FAM200B: variants seen among roughly 807,000 people sequenced by gnomAD.
FAM200B encodes the protein zinc finger BED-type containing 11, also known as protein FAM200B.
Under a neutral mutation model 33.1 loss-of-function variants are expected in FAM200B, and 32 were observed. That is an observed-to-expected ratio of 0.97 (90% confidence interval 0.73 to 1.30). The LOEUF (loss-of-function observed/expected upper bound fraction) is 1.30, where lower values mean the gene tolerates loss of function less well. FAM200B is among the 50% of genes most tolerant of loss of function. The pLI is 0.00. For synonymous variants in FAM200B, 240 were observed against 264.8 expected, an observed-to-expected ratio of 0.91 and a Z score of 0.91; for missense variants, 741 against 754.0, an observed-to-expected ratio of 0.98 and a Z score of 0.20.
In FAM200B at chr4:15,686,382, A is replaced by G. The variant is rs1205237436; in HGVS notation, c.-596A>G. On this transcript the variant is annotated 5_prime_UTR_variant, in exon 2 of 2. Transcript: ENST00000422728. ...GAATGAAAATCTAAGATAAATTCCC[A>G]CCACTTCAAGATGTTCTTATACAAG... 6.6e-6 allele frequency: 1 copy of G among 152,212 alleles called. No individual in the cohort carries two copies. Among genetic ancestry groups the G allele is most frequent in the Non-Finnish European group, 1.5e-5 (1 of 68,038 alleles). The allele number at this position is 152,212 out of a possible 1,614,324, so 9.4% of individuals were successfully genotyped here. A position where few individuals can be genotyped will look rare whatever the true frequency, so the allele number is the denominator to read the frequency against.
intron 1 of FAM200B, among the ~76,000 whole-genome samples, chr4:15,683,000 C>A (rs538007960): frequency 6.6e-6 from 1 of 152,248 alleles, no homozygotes; most frequent in African/African-American, 2.4e-5. Flanking sequence ...AAATGCTTTT[C>A]CAGTTATGAG....
chr4:15,665,832 G>A, the FAM200B span, among the ~76,000 whole-genome samples: 17 of 152,134 alleles, frequency 1.1e-4, no homozygotes, highest in Admixed American at 1.1e-3. Context: ...AGATTTGGCT[G>A]TTGGTAGGAA....
the FAM200B span, among the ~76,000 whole-genome samples, chr4:15,651,724 TAAA>T: frequency 1.3e-5 from 2 of 152,216 alleles, no homozygotes; most frequent in Non-Finnish European, 2.9e-5. Context: ...AATGTATAAA[TAAA>T]TTCTTTCATA....
the FAM200B span, among the ~76,000 whole-genome samples, chr4:15,643,368 TCA>T: frequency 6.6e-6 from 1 of 152,218 alleles, no homozygotes; most frequent in Non-Finnish European, 1.5e-5. Flanking sequence ...AGCTTACGCT[TCA>T]CCAAGCCAGA....
the FAM200B span, among the ~76,000 whole-genome samples, chr4:15,664,824 G>A: frequency 6.6e-6 from 1 of 152,020 alleles, no homozygotes; most frequent in African/African-American, 2.4e-5. Context: ...CTCCCAAAGT[G>A]CTGGGATTAC....
At chr4:15,669,069 A>G in the FAM200B span, among the ~76,000 whole-genome samples, 1 of 152,218 alleles carries the variant, frequency 6.6e-6, no homozygotes, top group Non-Finnish European at 1.5e-5. Context: ...CATGTTGTTT[A>G]AATATAACCT....
At chr4:15,638,445 A>C in the FAM200B span, 4 of 1,249,826 alleles carry the variant, frequency 3.2e-6, no homozygotes, top group Non-Finnish European at 4.3e-6. Flanking sequence ...TCTACAGTTC[A>C]TATCAGTAAG....
In FAM200B at chr4:15,688,176, A is replaced by C; in HGVS notation, c.1199A>C (p.Glu400Ala). The C allele has an allele frequency of 6.4e-7, 1 of 1,551,242 alleles. No homozygotes were observed. The highest frequency in any genetic ancestry group is 2.4e-5 in the East Asian group (1 of 40,848). ...SQGKILSRVY[E>A]LRNEIHFFLI... is the part of the protein sequence containing the mutation. ...GGGAAAATACTAAGCAGGGTTTATGAGCTCAGGAATGAGATTCACTTTTTT... is the reference window on the plus strand; with the variant it reads ...GGGAAAATACTAAGCAGGGTTTATGCGCTCAGGAATGAGATTCACTTTTTT... The change falls in exon 2 of 2, where the codon GAG (glutamate) becomes GCG (alanine). Residue 400 changes from glutamate (E) to alanine (A), a missense_variant. Transcript: ENST00000422728.
chr4:15,639,748 G>A, the FAM200B span, among the ~76,000 whole-genome samples: 10 of 152,134 alleles, frequency 6.6e-5, no homozygotes, highest in African/African-American at 1.9e-4. Context: ...GTCAATGCAT[G>A]TCCTCTGATT....
At chr4:15,648,277 T>C in the FAM200B span, among the ~76,000 whole-genome samples, 12 of 152,292 alleles carry the variant, frequency 7.9e-5, no homozygotes, top group Non-Finnish European at 1.5e-4. Context: ...CAAAATAAAA[T>C]ATCATTAGAA....
chr4:15,654,251 T>C, the FAM200B span, among the ~76,000 whole-genome samples: 9 of 152,356 alleles, frequency 5.9e-5, no homozygotes, highest in African/African-American at 2.2e-4. Flanking sequence ...GAATGCTTTA[T>C]TTAGTTGGAT....
In FAM200B at chr4:15,687,969, A is replaced by G; in HGVS notation, c.992A>G (p.Glu331Gly). The change falls in exon 2 of 2, where the codon GAA becomes GGA. Residue 331 changes from glutamate to glycine, a missense_variant. Coordinates refer to ENST00000422728, the MANE Select transcript of FAM200B (RefSeq NM_001145191.2). ...AVWNHCFIHR[E>G]GLASREIPQN... ...TGGAATCATTGTTTTATACATCGTG[A>G]AGGTTTAGCATCCAGAGAAATTCCA... The G allele has an allele frequency of 1.3e-6, 2 of 1,551,318 alleles. No homozygotes were observed. The highest frequency in any genetic ancestry group is 1.7e-6 in the Non-Finnish European group (2 of 1,146,718).
At chr4:15,653,582 A>G in the FAM200B span, among the ~76,000 whole-genome samples, 3 of 152,156 alleles carry the variant, frequency 2.0e-5, no homozygotes, top group Admixed American at 2.0e-4. Context: ...TCCACAGTCT[A>G]AAGTGGAGAG....
chr4:15,683,396 A>G (rs1296856865), intron 1 of FAM200B, among the ~76,000 whole-genome samples: 1 of 152,166 alleles, frequency 6.6e-6, no homozygotes, highest in Non-Finnish European at 1.5e-5. Context: ...GAACTGTCTG[A>G]TTTAGGAGGG....
upstream of FAM200B, among the ~76,000 whole-genome samples, chr4:15,680,381 G>C (rs930148455): frequency 6.6e-6 from 1 of 152,184 alleles, no homozygotes; most frequent in African/African-American, 2.4e-5. Flanking sequence ...TAAAAATCCA[G>C]TGGGAGAGGC....
At chr4:15,670,249 A>G in the FAM200B span, among the ~76,000 whole-genome samples, 1 of 152,210 alleles carries the variant, frequency 6.6e-6, no homozygotes, top group African/African-American at 2.4e-5. Flanking sequence ...TGCATGAACA[A>G]ATATTTCATT....
chr4:15,664,624 C>T, the FAM200B span, among the ~76,000 whole-genome samples: 3 of 126,926 alleles, frequency 2.4e-5, no homozygotes, highest in Admixed American at 3.1e-4. Flanking sequence ...ATGGTACGAT[C>T]TCAGCTCACT....
chr4:15,665,504 C>T, the FAM200B span, among the ~76,000 whole-genome samples: 2 of 152,064 alleles, frequency 1.3e-5, no homozygotes, highest in Non-Finnish European at 2.9e-5. Context: ...TACAAATTTG[C>T]GAGATGTATC....
upstream of FAM200B, among the ~76,000 whole-genome samples, chr4:15,679,796 C>T (rs1026404914): frequency 2.0e-5 from 3 of 151,368 alleles, no homozygotes; most frequent in Non-Finnish European, 4.4e-5. Flanking sequence ...GTCTCATTCT[C>T]TTCTCTGCTG....
Sources: allele counts gnomAD v4.1 joint callset (sites outside exome capture counted in the v4.1 genomes callset), GRCh38; gene constraint gnomAD v4.1.1; transcripts MANE v1.5; gene names NCBI Gene and HGNC (gene_info 2026-07-23, HGNC 2026-07-21).